The following ELAVL2 variants were observed in gnomAD, a reference collection of about 807,000 sequenced individuals.
ELAVL2 encodes the protein ELAV-like protein 2.
ELAVL2 carries 4 observed loss-of-function variants against 34.6 expected under a neutral mutation model. The ratio of observed to expected loss-of-function variants is 0.12; its 90% CI spans 0.06 to 0.26. ELAVL2 has a LOEUF of 0.26. Ranked by LOEUF, ELAVL2 falls within the 10% of genes least tolerant of loss-of-function variation. The pLI, the probability that ELAVL2 is intolerant of heterozygous loss-of-function variation, is 1.00. For synonymous variants in ELAVL2, 193 were observed against 154.8 expected, an observed-to-expected ratio of 1.25 and a Z score of -1.83; for missense variants, 432 against 442.8, an observed-to-expected ratio of 0.98 and a Z score of 0.22.
chr9:23,698,476 G>C (rs1303463629), intron 5 of ELAVL2, among the ~76,000 whole-genome samples: 1 of 152,044 alleles, frequency 6.6e-6, no homozygotes, highest in Non-Finnish European at 1.5e-5. Flanking sequence ...CATACTTTAT[G>C]ATTATTAAAA....
At chr9:23,799,548 C>T (rs189634661) in intron 1 of ELAVL2, among the ~76,000 whole-genome samples, 1 of 152,322 alleles carries the variant, frequency 6.6e-6, no homozygotes, top group African/African-American at 2.4e-5. Context: ...GGGTCTCTCA[C>T]ATCTAATTAC....
At chr9:23,820,858 C>T (rs2064518038) in intron 1 of ELAVL2, among the ~76,000 whole-genome samples, 1 of 152,132 alleles carries the variant, frequency 6.6e-6, no homozygotes, top group Non-Finnish European at 1.5e-5. Flanking sequence ...CCGCGCTTCC[C>T]GCGCAGCGCA....
chr9:23,833,798 A>G, the ELAVL2 span, among the ~76,000 whole-genome samples: 1 of 151,918 alleles, frequency 6.6e-6, no homozygotes. Context: ...TAAAGCAAAC[A>G]ATCTTCCTAT....
At chr9:23,799,812 C>G (rs553510390) in intron 1 of ELAVL2, among the ~76,000 whole-genome samples, 1 of 152,304 alleles carries the variant, frequency 6.6e-6, no homozygotes, top group Admixed American at 6.5e-5. Flanking sequence ...TTAGAAAACC[C>G]TGAAAGGGCT....
At chr9:23,744,656 A>G (rs1403046881) in intron 2 of ELAVL2, among the ~76,000 whole-genome samples, 2 of 152,122 alleles carry the variant, frequency 1.3e-5, no homozygotes, top group African/African-American at 4.8e-5. Context: ...AGTACTTTCT[A>G]GCAAGAAAAC....
intron 5 of ELAVL2, among the ~76,000 whole-genome samples, chr9:23,697,415 ATTAGGT>A (rs957946585): frequency 8.5e-5 from 13 of 152,344 alleles, no homozygotes; most frequent in African/African-American, 3.1e-4. Flanking sequence ...TTATTAAGAT[ATTAGGT>A]ACATGGAAAA....
intron 1 of ELAVL2, among the ~76,000 whole-genome samples, chr9:23,793,373 A>G (rs184094700): frequency 6.2e-4 from 95 of 152,316 alleles, no homozygotes; most frequent in African/African-American, 2.3e-3. Flanking sequence ...AATGAAATTC[A>G]GAGTTTTCAG....
intron 1 of ELAVL2, among the ~76,000 whole-genome samples, chr9:23,806,994 T>G (rs547961470): frequency 2.6e-5 from 4 of 152,278 alleles, no homozygotes; most frequent in African/African-American, 9.6e-5. Flanking sequence ...GAAAAGGGGC[T>G]GAAATCTAAA....
the ELAVL2 span, among the ~76,000 whole-genome samples, chr9:23,842,048 A>G: frequency 3.3e-5 from 5 of 152,212 alleles, no homozygotes; most frequent in African/African-American, 1.2e-4. Context: ...CATGAAAATG[A>G]AAATCTACAG....
intron 3 of ELAVL2, among the ~76,000 whole-genome samples, chr9:23,716,632 C>T (rs781640506): frequency 1.8e-4 from 27 of 152,130 alleles, no homozygotes; most frequent in Non-Finnish European, 3.2e-4. Flanking sequence ...TAAAAACATT[C>T]TGCAAGCTGC....
intron 3 of ELAVL2, among the ~76,000 whole-genome samples, chr9:23,718,921 CT>C (rs1218918467): frequency 8.5e-5 from 13 of 152,188 alleles, no homozygotes; most frequent in East Asian, 1.9e-4. Context: ...TATATTCCCC[CT>C]AACAGCTTTA....
rs1002177220 is a variant in ELAVL2 at position 23,786,977 on chromosome 9, T to G, written c.-15-24728A>C. On this transcript the variant is annotated intron_variant, in intron 1 of 6. Transcript: ENST00000397312. ...GCAAAAGATAAAAGGTACACTTTTA[T>G]TTAAGCACACAATGGAATAAAACAT... 7.9e-5 allele frequency among the ~76,000 whole-genome samples: 12 copies of G among 152,274 alleles called. No individual in the cohort carries two copies. The South Asian group carries it at 1.0e-3, about 13-fold the overall frequency.
At chr9:23,723,969 C>T (rs928876249) in intron 3 of ELAVL2, among the ~76,000 whole-genome samples, 6 of 152,144 alleles carry the variant, frequency 3.9e-5, no homozygotes, top group African/African-American at 1.2e-4. Flanking sequence ...AGAAGCAATA[C>T]TCACAAGGAG....
intron 1 of ELAVL2, chr9:23,779,373 A>G: frequency 1.0e-5 from 10 of 985,452 alleles, no homozygotes; most frequent in Non-Finnish European, 1.2e-5. Context: ...AAGGGAAGAA[A>G]GCAACGCCCT....
chr9:23,801,677 T>C (rs903810635), intron 1 of ELAVL2, among the ~76,000 whole-genome samples: 2 of 152,264 alleles, frequency 1.3e-5, no homozygotes, highest in African/African-American at 4.8e-5. Flanking sequence ...GACAACAGAA[T>C]GTTCACGCAT....
At chr9:23,785,463 G>A (rs1046347904) in intron 1 of ELAVL2, among the ~76,000 whole-genome samples, 7 of 152,168 alleles carry the variant, frequency 4.6e-5, no homozygotes, top group Admixed American at 2.0e-4. Context: ...AGTTATCACA[G>A]CTGCACCTAC....
intron 1 of ELAVL2, among the ~76,000 whole-genome samples, chr9:23,819,738 A>C (rs2064259981): frequency 6.6e-6 from 1 of 152,208 alleles, no homozygotes; most frequent in Non-Finnish European, 1.5e-5. Flanking sequence ...AAAAATAAAA[A>C]TACTCTCTCA....
the ELAVL2 span, chr9:23,847,446 G>C: frequency 1.4e-4 from 22 of 151,984 alleles, no homozygotes; most frequent in African/African-American, 4.8e-4. Context: ...CTTTCTATGA[G>C]AGTATTGCTT....
chr9:23,824,599 C>A (rs946812164), intron 1 of ELAVL2, among the ~76,000 whole-genome samples: 42 of 152,174 alleles, frequency 2.8e-4, no homozygotes, highest in Non-Finnish European at 5.6e-4. Flanking sequence ...ATTTAAACTT[C>A]TCTTAGGAAA....
Sources: allele counts gnomAD v4.1 joint callset (sites outside exome capture counted in the v4.1 genomes callset), GRCh38; gene constraint gnomAD v4.1.1; transcripts MANE v1.5; gene names NCBI Gene and HGNC (gene_info 2026-07-23, HGNC 2026-07-21).